The following ENKUR variants were observed in gnomAD, a reference collection of about 807,000 sequenced individuals.
ENKUR encodes the protein enkurin, TRPC channel interacting protein.
In ENKUR, 19 loss-of-function variants were observed where a neutral mutation model predicts 27.6. The observed-to-expected ratio is 0.69, with a 90% confidence interval of 0.48 to 1.01. The LOEUF (loss-of-function observed/expected upper bound fraction) is 1.01. ENKUR is among the 50% of genes least tolerant of loss of function. The probability of loss-of-function intolerance (pLI) is 0.00; values close to 1 mark genes in which losing one functional copy is unlikely to be tolerated. For missense variants in ENKUR, 312 were observed against 310.5 expected (o/e 1.00, Z -0.04); for synonymous variants, 117 against 96.9 (o/e 1.21, Z -1.22).
In ENKUR at chr10:25,016,150, G is replaced by C. The variant is rs142760402; in HGVS notation, c.-214C>G. ...ATTTCTCTCCGGATTGCTAAGCGTC[G>C]TTGACTGTGCGGTTGCCGTGGAAAC... On this transcript the variant is annotated 5_prime_UTR_variant, in exon 1 of 6. Transcript: ENST00000331161. 4.9e-3 allele frequency: 5,983 copies of C among 1,218,232 alleles called. 33 individuals carry two copies. Among genetic ancestry groups the C allele is most frequent in the Non-Finnish European group, 5.6e-3 (5,481 of 977,278 alleles). 75.5% of individuals were successfully genotyped at this position (1,218,232 alleles called of 1,614,324 possible).
At chr10:25,008,502 T>A (rs1850365823) in intron 1 of ENKUR, among the ~76,000 whole-genome samples, 1 of 152,200 alleles carries the variant, frequency 6.6e-6, no homozygotes, top group Non-Finnish European at 1.5e-5. Flanking sequence ...CATGTAAGTG[T>A]TAACAGTATT....
chr10:25,024,186 CTT>C, intron 2 of ENKUR: 4 of 1,614,226 alleles, frequency 2.5e-6, no homozygotes, highest in Non-Finnish European at 2.5e-6. Flanking sequence ...ATGGGGAAAA[CTT>C]TGCCTGCTCA....
At chr10:24,992,929 A>G (rs747604061) in intron 3 of ENKUR, among the ~76,000 whole-genome samples, 1 of 152,202 alleles carries the variant, frequency 6.6e-6, no homozygotes, top group Non-Finnish European at 1.5e-5. Flanking sequence ...GCTTAGTACA[A>G]TAATGGAGCT....
At chr10:25,054,682 A>C (rs1851232827) in intron 2 of ENKUR, among the ~76,000 whole-genome samples, 1 of 146,576 alleles carries the variant, frequency 6.8e-6, no homozygotes, top group South Asian at 2.1e-4. Context: ...GTGGGCGATT[A>C]ATTTTTTTTT....
At chr10:25,018,983 G>A (rs1436946613), upstream of ENKUR, among the ~76,000 whole-genome samples, 1 of 152,118 alleles carries the variant, frequency 6.6e-6, no homozygotes, top group Non-Finnish European at 1.5e-5. Flanking sequence ...TGGATTGTGT[G>A]GTCCTTCCAC....
At chr10:25,003,498 C>A (rs114264813) in intron 1 of ENKUR, among the ~76,000 whole-genome samples, 1 of 152,132 alleles carries the variant, frequency 6.6e-6, no homozygotes, top group Admixed American at 6.6e-5. Context: ...TGAGCCACTG[C>A]GCCAAGCCTG....
intron 2 of ENKUR, among the ~76,000 whole-genome samples, chr10:25,053,421 C>G (rs542260136): frequency 6.6e-6 from 1 of 152,218 alleles, no homozygotes; most frequent in Non-Finnish European, 1.5e-5. Flanking sequence ...GAAACTGCAC[C>G]CTTTGACTAA....
At chr10:25,025,422 T>C in intron 2 of ENKUR, 1 of 1,610,554 alleles carries the variant, frequency 6.2e-7, no homozygotes, top group Non-Finnish European at 8.5e-7. Flanking sequence ...TGAAGAGTCA[T>C]GTGGAACAAC....
intron 2 of ENKUR, chr10:25,023,217 A>G: frequency 6.3e-7 from 1 of 1,598,930 alleles, no homozygotes; most frequent in Non-Finnish European, 8.5e-7. Flanking sequence ...AGAAAAGTGA[A>G]AAGAGAATGC....
chr10:25,029,025 A>G (rs948532346), intron 2 of ENKUR, among the ~76,000 whole-genome samples: 16 of 152,214 alleles, frequency 1.1e-4, no homozygotes, highest in African/African-American at 3.4e-4. Context: ...ATTGAATTGT[A>G]TTACTAAATA....
intron 2 of ENKUR, among the ~76,000 whole-genome samples, chr10:25,029,105 T>C (rs1408870046): frequency 6.6e-6 from 1 of 152,216 alleles, no homozygotes; most frequent in African/African-American, 2.4e-5. Context: ...TTATCTCTTC[T>C]TGTATCCAAT....
At chr10:25,003,297 C>T (rs1279340067) in intron 1 of ENKUR, among the ~76,000 whole-genome samples, 2 of 152,034 alleles carry the variant, frequency 1.3e-5, no homozygotes, top group African/African-American at 4.8e-5. Flanking sequence ...ACCTCTGTCT[C>T]CTGGGTTCAA....
At chr10:25,030,677 T>C (rs997655347) in intron 2 of ENKUR, among the ~76,000 whole-genome samples, 2 of 152,242 alleles carry the variant, frequency 1.3e-5, no homozygotes, top group Non-Finnish European at 2.9e-5. Flanking sequence ...TGGAAATTTA[T>C]GTCCTTCAGT....
At chr10:25,020,994 T>C (rs1046559533), upstream of ENKUR, among the ~76,000 whole-genome samples, 8 of 152,204 alleles carry the variant, frequency 5.3e-5, no homozygotes, top group Non-Finnish European at 1.2e-4. Flanking sequence ...TTCAAGTATA[T>C]AATTCTTTCT....
rs1285759582 is a variant in ENKUR at position 24,999,612 on chromosome 10, A to C, written c.78-66T>G. The C allele has an allele frequency of 5.1e-6, 7 of 1,365,594 alleles. No homozygotes were observed. The Admixed American group carries it at 1.5e-4, about 30-fold the overall frequency. The allele number at this position is 1,365,594 out of a possible 1,614,324, so 84.6% of individuals were successfully genotyped here. ...GTAAAAATTACCTAAAGTTTACTTA[A>C]AGTTTAAATCTTACATTTTTAATTT... On this transcript the variant is annotated intron_variant, in intron 1 of 5. Transcript: ENST00000331161.
chr10:24,996,932 C>T (rs80337339), intron 2 of ENKUR, among the ~76,000 whole-genome samples: 1,721 of 152,258 alleles, frequency 0.011, 22 homozygotes, highest in Non-Finnish European at 0.02. Flanking sequence ...AGAGAAGGCG[C>T]TGATCCAATA....
In ENKUR at chr10:24,999,408, T is replaced by TA; in HGVS notation, c.215dup (p.Pro73ThrfsTer7). On this transcript the variant is annotated frameshift_variant, in exon 2 of 6. Coordinates refer to ENST00000331161, the MANE Select transcript of ENKUR (RefSeq NM_145010.4). LOFTEE classifies it high-confidence loss of function. Reference sequence around the variant, plus strand: ...AAGCATGATAAAACCTACTGGGTGGTAGAGTTTTTTCCTTTGAATGTTTCT... The same window carrying TA: ...AAGCATGATAAAACCTACTGGGTGGTAAGAGTTTTTTCCTTTGAATGTTTCT... 1 of 1,606,862 alleles carries TA rather than the reference T, an allele frequency of 6.2e-7. No individual in the cohort carries two copies. Among genetic ancestry groups the TA allele is most frequent in the African/African-American group, 1.3e-5 (1 of 74,442 alleles).
intron 1 of ENKUR, among the ~76,000 whole-genome samples, chr10:25,013,680 C>T (rs868593994): frequency 5.9e-5 from 9 of 152,154 alleles, no homozygotes; most frequent in Non-Finnish European, 8.8e-5. Flanking sequence ...TGGTGGCTCA[C>T]GCCTATAATC....
At chr10:25,022,521 A>G (rs1185883169) in intron 2 of ENKUR, among the ~76,000 whole-genome samples, 2 of 152,236 alleles carry the variant, frequency 1.3e-5, no homozygotes, top group East Asian at 3.8e-4. Context: ...ATATGTAACA[A>G]TGATTCTTAA....
Sources: gnomAD v4.1 joint callset for allele counts (sites outside exome capture counted in the v4.1 genomes callset) on GRCh38, gnomAD v4.1.1 for gene constraint, MANE v1.5 for transcripts, NCBI Gene and HGNC (gene_info 2026-07-23, HGNC 2026-07-21) for gene names.